TSPYL6: variants seen among roughly 807,000 people sequenced by gnomAD.
TSPYL6 encodes the protein testis-specific Y-encoded-like protein 6.
For synonymous variants in TSPYL6, 259 were observed against 214.8 expected (o/e 1.21, Z -1.80); for missense variants, 699 against 531.5 (o/e 1.32, Z -3.10).
Position 54,254,257 on chromosome 2 carries a change from G to C in TSPYL6, c.*662C>G, listed in dbSNP as rs1572998251. On this transcript the variant is annotated 3_prime_UTR_variant, in exon 1 of 1. Transcript: ENST00000317802. The stretch of plus-strand genomic sequence containing the variant: ...GGAACAGGTCTTTTGTGTGCTGACA[G>C]GAAAGCTGTGTCCACCACCAGTGTT... The C allele has an allele frequency of 6.6e-6, 1 of 152,484 alleles. No homozygotes were observed. Among genetic ancestry groups the C allele is most frequent in the East Asian group, 1.9e-4 (1 of 5,180 alleles). The allele number at this position is 152,484 out of a possible 1,614,324, so 9.4% of individuals were successfully genotyped here. A position where few individuals can be genotyped will look rare whatever the true frequency, so the allele number is the denominator to read the frequency against.
At position 54,255,606 on chromosome 2, in the gene TSPYL6, C is replaced by T. The variant is rs1321220434; in HGVS notation, c.546G>A (p.Glu182=). Residue 182 remains glutamate, a synonymous_variant, in exon 1 of 1, where the codon GAG becomes GAA. Coordinates refer to ENST00000317802, the MANE Select transcript of TSPYL6 (RefSeq NM_001003937.3). ...GCCCAGGCCCTGCCTCCCTGTTTAC[C>T]TCATCTATTGCTCTGTTTTCTTCCG... ...DVAEENRAID[E]VNREAGPGPG... 2 of 1,613,598 alleles carry T rather than the reference C, an allele frequency of 1.2e-6. No homozygotes were observed. The highest frequency in any genetic ancestry group is 1.7e-6 in the Non-Finnish European group (2 of 1,179,990).
rs756102539 is a variant in TSPYL6 at position 54,255,116 on chromosome 2, C to T, written c.1036G>A (p.Val346Ile). The change falls in exon 1 of 1, where the codon GTC (valine) becomes ATC (isoleucine). Residue 346 changes from valine to isoleucine, a missense_variant. Val to Ile is a conservative substitution (Grantham distance 29). Coordinates refer to ENST00000317802, the MANE Select transcript of TSPYL6 (RefSeq NM_001003937.3). The part of the protein sequence containing the change: ...PQSFIHRNRH[V>I]ICSFFTWFSD... ...AACCAGGTGAAGAAGCTGCAGATGA[C>T]ATGTCGGTTCCTATGAATGAAGGAC... 1 of 1,614,150 alleles carries T rather than the reference C, an allele frequency of 6.2e-7. No individual in the cohort carries two copies.
rs774203944 is a variant in TSPYL6, at chr2:54,255,672, G to C, written c.480C>G (p.Ala160=). Residue 160 remains alanine (A), a synonymous_variant, in exon 1 of 1, where the codon GCC becomes GCG. Coordinates refer to ENST00000317802, the MANE Select transcript of TSPYL6 (RefSeq NM_001003937.3). ...VKPEECAMFS[A]PVDEKPGGEE... ...CGCCTCCTGGCTTCTCATCCACTGG[G>C]GCTGAGAACATGGCACACTCCTCAG... 15 of 1,613,588 alleles carry C rather than the reference G, an allele frequency of 9.3e-6. No individual in the cohort carries two copies. Among genetic ancestry groups the C allele is most frequent in the African/African-American group, 1.3e-5 (1 of 74,870 alleles).
Position 54,255,087 on chromosome 2 carries a change from T to A in TSPYL6, c.1065A>T (p.Ser355=). Residue 355 remains serine, a synonymous_variant, in exon 1 of 1, where the codon TCA becomes TCT. Coordinates refer to ENST00000317802, the MANE Select transcript of TSPYL6 (RefSeq NM_001003937.3). Reference sequence around the variant, plus strand: ...TGTCGGACTCTGGAAGGCTGTGGTCTGAAAACCAGGTGAAGAAGCTGCAGA... The same window carrying A: ...TGTCGGACTCTGGAAGGCTGTGGTCAGAAAACCAGGTGAAGAAGCTGCAGA... The part of the protein sequence containing the change: ...HVICSFFTWF[S]DHSLPESDRI... The A allele has an allele frequency of 6.2e-7, 1 of 1,614,118 alleles. No individual in the cohort carries two copies. The highest frequency in any genetic ancestry group is 8.5e-7 in the Non-Finnish European group (1 of 1,180,024).
Position 54,256,193 on chromosome 2 carries a change from G to A in TSPYL6, c.-42C>T, listed in dbSNP as rs765017504. On this transcript the variant is annotated 5_prime_UTR_variant, in exon 1 of 1. Transcript: ENST00000317802. ...GCAGCAGTGGGTAGAGGCCAGGCCA[G>A]AGGTAGGTAGCGTCAACGTTCCTCA... 3 of 1,553,910 alleles carry A rather than the reference G, an allele frequency of 1.9e-6. No homozygotes were observed. Among genetic ancestry groups the A allele is most frequent in the South Asian group, 2.4e-5 (2 of 81,744 alleles).
rs2104023961 is a variant in TSPYL6 at position 54,255,731 on chromosome 2, C to T, written c.421G>A (p.Val141Met). Reference protein sequence around the residue: ...TCGAGRSESEVIAEGKAEDVK... With the variant: ...TCGAGRSESEMIAEGKAEDVK... ...TCCTCGGCCTTCCCCTCTGCAATCACTTCAGACTCCGACCTCCCTGCCCCA... is the reference window on the plus strand; with the variant it reads ...TCCTCGGCCTTCCCCTCTGCAATCATTTCAGACTCCGACCTCCCTGCCCCA... Residue 141 changes from valine (V) to methionine (M), a missense_variant, in exon 1 of 1, where the codon GTG (valine) becomes ATG (methionine). Transcript: ENST00000317802. 2 of 1,614,048 alleles carry T rather than the reference C, an allele frequency of 1.2e-6. No individual in the cohort carries two copies. The highest frequency in any genetic ancestry group is 2.2e-5 in the East Asian group (1 of 44,882).
Position 54,256,218 on chromosome 2 carries a change from A to C in TSPYL6, c.-67T>G, listed in dbSNP as rs1050825934. 3.3e-6 allele frequency: 5 copies of C among 1,522,620 alleles called. No homozygotes were observed. Among genetic ancestry groups the C allele is most frequent in the Non-Finnish European group, 4.4e-6 (5 of 1,132,818 alleles). 94.3% of individuals were successfully genotyped at this position (1,522,620 alleles called of 1,614,324 possible). ...GAGGTAGGTAGCGTCAACGTTCCTCACACAAAATGGCGAGTAAACACCTCG... is the reference window on the plus strand; with the variant it reads ...GAGGTAGGTAGCGTCAACGTTCCTCCCACAAAATGGCGAGTAAACACCTCG... On this transcript the variant is annotated 5_prime_UTR_variant, in exon 1 of 1. Transcript: ENST00000317802.
Position 54,254,082 on chromosome 2 carries a change from C to G in TSPYL6, c.*837G>C, listed in dbSNP as rs1687363831. 1 of 152,212 alleles carries G rather than the reference C, an allele frequency of 6.6e-6. No individual in the cohort carries two copies. Among genetic ancestry groups the G allele is most frequent in the African/African-American group, 2.4e-5 (1 of 41,440 alleles). 9.4% of individuals were successfully genotyped at this position (152,212 alleles called of 1,614,324 possible). Reference sequence around the variant, plus strand: ...TTTTGAATGAATCCACTGGTTGTGGCTGAGAAAGCCTGGTACTTGTCAAGA... The same window carrying G: ...TTTTGAATGAATCCACTGGTTGTGGGTGAGAAAGCCTGGTACTTGTCAAGA... On this transcript the variant is annotated 3_prime_UTR_variant, in exon 1 of 1. Coordinates refer to ENST00000317802, the MANE Select transcript of TSPYL6 (RefSeq NM_001003937.3).
In TSPYL6 at chr2:54,254,605, C is replaced by T. The variant is rs1687395635; in HGVS notation, c.*314G>A. On this transcript the variant is annotated 3_prime_UTR_variant, in exon 1 of 1. Coordinates refer to ENST00000317802, the MANE Select transcript of TSPYL6 (RefSeq NM_001003937.3). Reference sequence around the variant, plus strand: ...AGTAGGAGGAGCCAGACCAGAGGTCCTGGGAACAAACCGAGTCCAAACAAA... The same window carrying T: ...AGTAGGAGGAGCCAGACCAGAGGTCTTGGGAACAAACCGAGTCCAAACAAA... The T allele has an allele frequency of 3.7e-6, 1 of 270,242 alleles. No homozygotes were observed. The highest frequency in any genetic ancestry group is 7.0e-6 in the Non-Finnish European group (1 of 143,580). 16.7% of individuals were successfully genotyped at this position (270,242 alleles called of 1,614,324 possible).
rs937836983 is a variant in TSPYL6 at position 54,254,788 on chromosome 2, A to G, written c.*131T>C. ...CTCAATCTTCAGGTTGAGAGAACGG[A>G]AAGTTTAAACAGAGGGTACAGGAAA... is the stretch of plus-strand genomic sequence containing the variant. On this transcript the variant is annotated 3_prime_UTR_variant, in exon 1 of 1. Coordinates refer to ENST00000317802, the MANE Select transcript of TSPYL6 (RefSeq NM_001003937.3). 5.8e-6 allele frequency: 5 copies of G among 864,824 alleles called. No homozygotes were observed. The highest frequency in any genetic ancestry group is 5.0e-5 in the East Asian group (2 of 40,186). The allele number at this position is 864,824 out of a possible 1,614,324, so 53.6% of individuals were successfully genotyped here.
chr2:54,254,246 G>T lies in TSPYL6; in HGVS notation c.*673C>A, dbSNP rs1687374599. ...CTTTTGGAAGAGGAACAGGTCTTTT[G>T]TGTGCTGACAGGAAAGCTGTGTCCA... On this transcript the variant is annotated 3_prime_UTR_variant, in exon 1 of 1. Transcript: ENST00000317802. The T allele has an allele frequency of 6.6e-6, 1 of 152,346 alleles. No homozygotes were observed. Among genetic ancestry groups the T allele is most frequent in the Non-Finnish European group, 1.5e-5 (1 of 68,152 alleles). 9.4% of individuals were successfully genotyped at this position (152,346 alleles called of 1,614,324 possible).
In TSPYL6 at chr2:54,255,621, G is replaced by C. The variant is rs1433947010; in HGVS notation, c.531C>G (p.Asn177Lys). The stretch of plus-strand genomic sequence containing the variant: ...CCCTGTTTACCTCATCTATTGCTCT[G>C]TTTTCTTCCGCCACGTCCATTTCTT... ...GGEEMDVAEENRAIDEVNREA... is the reference protein window; with the variant it reads ...GGEEMDVAEEKRAIDEVNREA... The change falls in exon 1 of 1, where the codon AAC (asparagine) becomes AAG (lysine). Residue 177 changes from asparagine to lysine, a missense_variant. Physicochemically the swap from Asn to Lys is moderately conservative, Grantham distance 94. Coordinates refer to ENST00000317802, the MANE Select transcript of TSPYL6 (RefSeq NM_001003937.3). The C allele has an allele frequency of 6.2e-7, 1 of 1,613,562 alleles. No homozygotes were observed.
chr2:54,256,004 G>C lies in TSPYL6; in HGVS notation c.148C>G (p.Pro50Ala). 1 of 1,614,154 alleles carries C rather than the reference G, an allele frequency of 6.2e-7. No individual in the cohort carries two copies. The highest frequency in any genetic ancestry group is 8.5e-7 in the Non-Finnish European group (1 of 1,180,018). Reference protein sequence around the residue: ...FDGRLEPIVFPPPRLPEEGVA... With the variant: ...FDGRLEPIVFAPPRLPEEGVA... ...CCCTCCTCTGGAAGCCGGGGCGGTG[G>C]GAACACGATTGGCTCCAAGCGGCCA... The change falls in exon 1 of 1, where the codon CCA (proline) becomes GCA (alanine). Residue 50 changes from proline (P) to alanine (A), a missense_variant. Pro to Ala is a conservative substitution (Grantham distance 27). Coordinates refer to ENST00000317802, the MANE Select transcript of TSPYL6 (RefSeq NM_001003937.3).
At position 54,255,508 on chromosome 2, in the gene TSPYL6, A is replaced by C; in HGVS notation, c.644T>G (p.Val215Gly). 6.2e-7 allele frequency: 1 copy of C among 1,613,418 alleles called. No individual in the cohort carries two copies. Among genetic ancestry groups the C allele is most frequent in the Non-Finnish European group, 8.5e-7 (1 of 1,179,776 alleles). Reference sequence around the variant, plus strand: ...GAGCGCCCTGTCAGCCTCTGCATTCACGGAGTCCAGTTCCAGCTGGATGGA... The same window carrying C: ...GAGCGCCCTGTCAGCCTCTGCATTCCCGGAGTCCAGTTCCAGCTGGATGGA... ...LESIQLELDS[V>G]NAEADRALLQ... The change falls in exon 1 of 1, where the codon GTG (valine) becomes GGG (glycine). Residue 215 changes from valine (V) to glycine (G), a missense_variant. Val to Gly is a moderately radical substitution (Grantham distance 109). Coordinates refer to ENST00000317802, the MANE Select transcript of TSPYL6 (RefSeq NM_001003937.3).
Position 54,256,107 on chromosome 2 carries a change from A to G in TSPYL6, c.45T>C (p.Tyr15=), listed in dbSNP as rs772232014. The change falls in exon 1 of 1, where the codon TAT becomes TAC. Residue 15 remains tyrosine, a synonymous_variant. Transcript: ENST00000317802. ...GGCCCTGGTGCGGGTCTTCCAGAGC[A>G]TAGTCGAGAGTAGCGGGGCTGTGAG... ...ESPHSPATLD[Y]ALEDPHQGQR... The G allele has an allele frequency of 1.2e-6, 2 of 1,614,136 alleles. No homozygotes were observed. Among genetic ancestry groups the G allele is most frequent in the Non-Finnish European group, 8.5e-7 (1 of 1,180,020 alleles).
Position 54,254,672 on chromosome 2 carries a change from GA to G in TSPYL6, c.*246del, listed in dbSNP as rs1355970832. The G allele has an allele frequency of 1.4e-4, 69 of 498,182 alleles. No individual in the cohort carries two copies. The highest frequency in any genetic ancestry group is 3.2e-5 in the Non-Finnish European group (9 of 281,308). 30.9% of individuals were successfully genotyped at this position (498,182 alleles called of 1,614,324 possible). A position where few individuals can be genotyped will look rare whatever the true frequency, so the allele number is the denominator to read the frequency against. On this transcript the variant is annotated 3_prime_UTR_variant, in exon 1 of 1. Transcript: ENST00000317802. ...CCTACAGCATCATTCGCTTCGCTTA[GA>G]AGGATGTGACCCATCGGCTGGGAGC...
At position 54,255,752 on chromosome 2, in the gene TSPYL6, C is replaced by T. The variant is rs750236892; in HGVS notation, c.400G>A (p.Ala134Thr). The change falls in exon 1 of 1, where the codon GCA becomes ACA. Residue 134 changes from alanine to threonine, a missense_variant. Transcript: ENST00000317802. ...GGEKALETCG[A>T]GRSESEVIAE... Reference sequence around the variant, plus strand: ...ATCACTTCAGACTCCGACCTCCCTGCCCCACAGGTTTCTAGAGCCTTCTCC... The same window carrying T: ...ATCACTTCAGACTCCGACCTCCCTGTCCCACAGGTTTCTAGAGCCTTCTCC... 2 of 1,613,950 alleles carry T rather than the reference C, an allele frequency of 1.2e-6. No homozygotes were observed. The highest frequency in any genetic ancestry group is 1.7e-6 in the Non-Finnish European group (2 of 1,180,030).
chr2:54,256,128 G>A lies in TSPYL6; in HGVS notation c.24C>T (p.His8=). MSLPESP[H]SPATLDYALE... Reference sequence around the variant, plus strand: ...GAGCATAGTCGAGAGTAGCGGGGCTGTGAGGACTCTCCGGGAGGCTCATGT... The same window carrying A: ...GAGCATAGTCGAGAGTAGCGGGGCTATGAGGACTCTCCGGGAGGCTCATGT... Residue 8 remains histidine, a synonymous_variant, in exon 1 of 1, where the codon CAC becomes CAT. Transcript: ENST00000317802. The A allele has an allele frequency of 6.2e-7, 1 of 1,613,810 alleles. No homozygotes were observed.
At position 54,255,599 on chromosome 2, in the gene TSPYL6, T is replaced by C. The variant is rs766079490; in HGVS notation, c.553A>G (p.Arg185Gly). 1.4e-5 allele frequency: 22 copies of C among 1,613,244 alleles called. No homozygotes were observed. Among genetic ancestry groups the C allele is most frequent in the Non-Finnish European group, 1.9e-5 (22 of 1,179,866 alleles). Reference sequence around the variant, plus strand: ...GGCCCGGGCCCAGGCCCTGCCTCCCTGTTTACCTCATCTATTGCTCTGTTT... The same window carrying C: ...GGCCCGGGCCCAGGCCCTGCCTCCCCGTTTACCTCATCTATTGCTCTGTTT... Reference protein sequence around the residue: ...EENRAIDEVNREAGPGPGPGP... With the variant: ...EENRAIDEVNGEAGPGPGPGP... The change falls in exon 1 of 1, where the codon AGG becomes GGG. Residue 185 changes from arginine to glycine, a missense_variant. Arg to Gly is a moderately radical substitution (Grantham distance 125). Coordinates refer to ENST00000317802, the MANE Select transcript of TSPYL6 (RefSeq NM_001003937.3).
Sources: gnomAD v4.1 joint callset for allele counts on GRCh38, gnomAD v4.1.1 for gene constraint, MANE v1.5 for transcripts, NCBI Gene and HGNC (gene_info 2026-07-23, HGNC 2026-07-21) for gene names.